PLB1: variants seen among roughly 807,000 people sequenced by gnomAD.
The protein encoded by PLB1 is phospholipase B1, membrane-associated.
In PLB1, 242 loss-of-function variants were observed where a neutral mutation model predicts 227.4. The ratio of observed to expected loss-of-function variants is 1.06; its 90% CI spans 0.96 to 1.18. The LOEUF (loss-of-function observed/expected upper bound fraction) is 1.18, where lower values mean the gene tolerates loss of function less well. Ranked by LOEUF, PLB1 falls within the 50% of genes most tolerant of loss-of-function variation. The pLI is 0.00. For synonymous variants in PLB1, 757 were observed against 682.2 expected, an observed-to-expected ratio of 1.11 and a Z score of -1.71; for missense variants, 1,858 against 1,816.3, an observed-to-expected ratio of 1.02 and a Z score of -0.42.
chr2:28,588,218 G>A (rs929760964), intron 26 of PLB1, among the ~76,000 whole-genome samples: 2 of 152,198 alleles, frequency 1.3e-5, no homozygotes, highest in African/African-American at 4.8e-5. Context: ...AAAGGTGTAT[G>A]GTTCCACTGT....
rs1686007903 is a variant in PLB1, at chr2:28,615,120, G to C, written c.3195+1024G>C. On this transcript the variant is annotated intron_variant, in intron 44 of 57. Coordinates refer to ENST00000327757, the MANE Select transcript of PLB1 (RefSeq NM_153021.5). ...AATGAGGAGACACTTGCTATACAGG[G>C]AGCCAGGAACACAGTCCCAGGCAGA... Among the ~76,000 whole-genome samples, 4 of 152,232 alleles carry C rather than the reference G, an allele frequency of 2.6e-5. No homozygotes were observed. In the South Asian group the frequency reaches 8.3e-4, roughly 32 times the overall value.
At chr2:28,570,967 C>G (rs1395432174) in intron 20 of PLB1, among the ~76,000 whole-genome samples, 2 of 152,070 alleles carry the variant, frequency 1.3e-5, no homozygotes, top group Admixed American at 1.3e-4. Context: ...CACTTTTATT[C>G]AACATCACAC....
Position 28,499,884 on chromosome 2 carries a change from C to CA in PLB1, c.55+3724dup, listed in dbSNP as rs201654533. ...TGAGTGACAGAGCCAGACTCTGTCT[C>CA]AAAAAAAAAGGAAAATGTTTAATTT... On this transcript the variant is annotated intron_variant, in intron 1 of 57. Coordinates refer to ENST00000327757, the MANE Select transcript of PLB1 (RefSeq NM_153021.5). Among the ~76,000 whole-genome samples, 68 of 149,030 alleles carry CA rather than the reference C, an allele frequency of 4.6e-4. 1 individual carries two copies. Among genetic ancestry groups the CA allele is most frequent in the Admixed American group, 6.7e-4 (10 of 14,988 alleles).
chr2:28,619,526 T>G (rs1452574665), intron 46 of PLB1, among the ~76,000 whole-genome samples: 2 of 148,966 alleles, frequency 1.3e-5, no homozygotes, highest in African/African-American at 2.4e-5. Context: ...AAGGTTTTGT[T>G]TTTTTTTTTT....
In PLB1 at chr2:28,644,052, TA is replaced by T. The variant is rs1196499559; in HGVS notation, c.*994del. 6.6e-6 allele frequency among the ~76,000 whole-genome samples: 1 copy of T among 152,250 alleles called. No individual in the cohort carries two copies. Among genetic ancestry groups the T allele is most frequent in the Non-Finnish European group, 1.5e-5 (1 of 68,044 alleles). On this transcript the variant is annotated 3_prime_UTR_variant, in exon 58 of 58. Transcript: ENST00000327757. ...TGCTTGCGCAACACCGTGAATGTAC[TA>T]AACGCCGCAAATTGTTCCATTTAAA...
chr2:28,627,684 A>G (rs764866770), intron 51 of PLB1, among the ~76,000 whole-genome samples: 1 of 152,140 alleles, frequency 6.6e-6, no homozygotes, highest in East Asian at 1.9e-4. Context: ...CACTGGTCCT[A>G]TGCCCATCAG....
At position 28,558,216 on chromosome 2, in the gene PLB1, C is replaced by T. The variant is rs535209594; in HGVS notation, c.1148-4825C>T. ...TTCTGCCTGCTACAAATTTAGGAGA[C>T]AGGAATGGTAGGTTTCAGCTGCCTC... On this transcript the variant is annotated intron_variant, in intron 17 of 57. Transcript: ENST00000327757. Among the ~76,000 whole-genome samples the T allele has an allele frequency of 4.0e-5, 6 of 151,632 alleles. No individual in the cohort carries two copies. The East Asian group carries it at 9.8e-4, about 25-fold the overall frequency.
Position 28,640,951 on chromosome 2 carries a change from A to G in PLB1, c.4123A>G (p.Thr1375Ala), listed in dbSNP as rs149693940. 1,021 of 1,613,394 alleles carry G rather than the reference A, an allele frequency of 6.3e-4. 1 individual carries two copies. The highest frequency in any genetic ancestry group is 2.8e-3 in the Middle Eastern group (17 of 6,062). Reference protein sequence around the residue: ...NMLEPVGRKTTSNNFTHSRAK... With the variant: ...NMLEPVGRKTASNNFTHSRAK... ...GCTGGAACCAGTGGGCCGCAAGACTACCTCCAACAACTTCACCCACAGCCG... is the reference window on the plus strand; with the variant it reads ...GCTGGAACCAGTGGGCCGCAAGACTGCCTCCAACAACTTCACCCACAGCCG... The change falls in exon 57 of 58, where the codon ACC (threonine) becomes GCC (alanine). Residue 1375 changes from threonine (T) to alanine (A), a missense_variant. Transcript: ENST00000327757.
rs1024773537 is a variant in PLB1, at chr2:28,529,486, C to A, written c.416+79C>A. The A allele has an allele frequency of 8.0e-6, 10 of 1,249,682 alleles. No homozygotes were observed. The Admixed American group carries it at 1.4e-4, about 18-fold the overall frequency. The allele number at this position is 1,249,682 out of a possible 1,614,324, so 77.4% of individuals were successfully genotyped here. On this transcript the variant is annotated intron_variant, in intron 7 of 57. Coordinates refer to ENST00000327757, the MANE Select transcript of PLB1 (RefSeq NM_153021.5). ...CATATAGGTGGGAGGATTTGGGGGG[C>A]TGGCAAAGTCAAAGAGGCTTAAAAA...
intron 26 of PLB1, among the ~76,000 whole-genome samples, chr2:28,586,598 C>T (rs1680941456): frequency 6.6e-6 from 1 of 152,196 alleles, no homozygotes; most frequent in African/African-American, 2.4e-5. Context: ...AGTACCACTT[C>T]CCTGCCACCC....
intron 25 of PLB1, 87 bp from the exon 26 acceptor site, chr2:28,585,674 A>G: frequency 9.1e-7 from 1 of 1,096,802 alleles, no homozygotes; most frequent in African/African-American, 1.6e-5. Context: ...AAAGAAATGT[A>G]TTGAGTCTCA....
chr2:28,534,385 T>G (rs1241412095), intron 9 of PLB1, among the ~76,000 whole-genome samples: 1 of 152,154 alleles, frequency 6.6e-6, no homozygotes, highest in African/African-American at 2.4e-5. Context: ...AAAAATCAAT[T>G]TAAAGGATTG....
chr2:28,555,931 C>T (rs1675032034), intron 17 of PLB1, among the ~76,000 whole-genome samples: 1 of 141,788 alleles, frequency 7.1e-6, no homozygotes, highest in Admixed American at 7.4e-5. Context: ...TGTAGTGGTG[C>T]GATCTCACCT....
At chr2:28,565,793 C>G (rs917728026) in intron 19 of PLB1, among the ~76,000 whole-genome samples, 2 of 152,184 alleles carry the variant, frequency 1.3e-5, no homozygotes, top group Non-Finnish European at 1.5e-5. Context: ...AGAAATAATG[C>G]TACTACCTGA....
At chr2:28,592,836 G>T in intron 32 of PLB1, 117 bp downstream of exon 32, 1 of 908,730 alleles carries the variant, frequency 1.1e-6, no homozygotes. Context: ...CCTCTACCTG[G>T]CTCTGTCAAT....
At chr2:28,581,920 C>T (rs780635744) in intron 23 of PLB1, 148 bp from the exon 24 acceptor site, 27 of 643,176 alleles carry the variant, frequency 4.2e-5, no homozygotes, top group Non-Finnish European at 6.5e-5. Context: ...ATGATCACAC[C>T]ACTGCACTCC....
At chr2:28,598,082 T>A in intron 34 of PLB1, 34 bp downstream of exon 34, 2 of 1,587,604 alleles carry the variant, frequency 1.3e-6, no homozygotes, top group Non-Finnish European at 8.6e-7. Context: ...ATCTGTCTAC[T>A]GTTCCACCCA....
intron 1 of PLB1, among the ~76,000 whole-genome samples, chr2:28,514,199 T>C (rs1668579881): frequency 6.6e-6 from 1 of 152,246 alleles, no homozygotes; most frequent in African/African-American, 2.4e-5. Context: ...GAAAAGACTG[T>C]CTCTTCTCTG....
chr2:28,545,441 C>G (rs373169508), intron 14 of PLB1, among the ~76,000 whole-genome samples: 2 of 152,252 alleles, frequency 1.3e-5, no homozygotes, highest in East Asian at 3.9e-4. Context: ...CCTGCAGACC[C>G]GAATTCAGCC....
Sources: gnomAD v4.1 joint callset for allele counts (sites outside exome capture counted in the v4.1 genomes callset) on GRCh38, gnomAD v4.1.1 for gene constraint, MANE v1.5 for transcripts, NCBI Gene and HGNC (gene_info 2026-07-23, HGNC 2026-07-21) for gene names.